Variants in GCNT4 observed in about 807,000 individuals in gnomAD.
The protein encoded by GCNT4 is beta-1,3-galactosyl-O-glycosyl-glycoprotein beta-1,6-N-acetylglucosaminyltransferase 4.
In GCNT4, 17 loss-of-function variants were observed where a neutral mutation model predicts 31.3. The observed-to-expected ratio is 0.54, with a 90% confidence interval of 0.37 to 0.81. GCNT4 has a LOEUF of 0.81. Among genes scored for constraint, GCNT4 ranks in the 40% least tolerant of loss-of-function variants. GCNT4 has a pLI of 0.00. For missense variants in GCNT4, 503 were observed against 525.5 expected (o/e 0.96, Z 0.42); for synonymous variants, 158 against 190.6 (o/e 0.83, Z 1.41).
intron 3 of GCNT4, among the ~76,000 whole-genome samples, chr5:75,032,602 T>A (rs1743089443): frequency 6.6e-6 from 1 of 152,218 alleles, no homozygotes. Context: ...CTTTGCTGCA[T>A]CAGCACCCAG....
downstream of GCNT4, among the ~76,000 whole-genome samples, chr5:75,022,378 A>T (rs960857376): frequency 2.0e-5 from 3 of 152,248 alleles, no homozygotes; most frequent in African/African-American, 7.2e-5. Flanking sequence ...TTTTAACTAT[A>T]GTGTCTTAGG....
intron 3 of GCNT4, among the ~76,000 whole-genome samples, chr5:75,032,874 T>G (rs919364494): frequency 1.5e-4 from 7 of 46,686 alleles, no homozygotes; most frequent in African/African-American, 1.2e-3. Context: ...CAAATAGGGG[T>G]GTGTGTGTGT....
At chr5:75,035,829 C>T (rs1743185851) in intron 3 of GCNT4, among the ~76,000 whole-genome samples, 1 of 152,208 alleles carries the variant, frequency 6.6e-6, no homozygotes. Context: ...TTAGGGACTT[C>T]ATGGCTTCTT....
Position 75,046,372 on chromosome 5 carries a change from A to G in GCNT4, c.-2+1525T>C, listed in dbSNP as rs564832508. On this transcript the variant is annotated intron_variant, in intron 3 of 3. Transcript: ENST00000652361. ...AATATTGCAAATATGCTGCAGTGAC[A>G]CAGAGAGCAGGAGAAGGAAGAAAAA... Among the ~76,000 whole-genome samples, 8 of 152,322 alleles carry G rather than the reference A, an allele frequency of 5.3e-5. 1 individual carries two copies. The South Asian group carries it at 1.5e-3, about 28-fold the overall frequency.
Position 75,029,020 on chromosome 5 carries a change from C to T in GCNT4, c.1018G>A (p.Ala340Thr), listed in dbSNP as rs765020771. 1.9e-6 allele frequency: 3 copies of T among 1,614,054 alleles called. No homozygotes were observed. The highest frequency in any genetic ancestry group is 2.5e-6 in the Non-Finnish European group (3 of 1,180,016). Residue 340 changes from alanine to threonine, a missense_variant, in exon 4 of 4, where the codon GCT becomes ACT. Coordinates refer to ENST00000652361, the MANE Select transcript of GCNT4 (RefSeq NM_001366737.1). ...ATTCCTGGAACCCGAATCAAGGTAGCCCAAAAGTGCTCATCAGGAGAGTAT... is the reference window on the plus strand; with the variant it reads ...ATTCCTGGAACCCGAATCAAGGTAGTCCAAAAGTGCTCATCAGGAGAGTAT... Reference protein sequence around the residue: ...DTYSPDEHFWATLIRVPGIPG... With the variant: ...DTYSPDEHFWTTLIRVPGIPG...
At chr5:75,030,127 C>G (rs1743030919) in intron 3 of GCNT4, 89 bp from the exon 4 acceptor site, 18 of 1,199,652 alleles carry the variant, frequency 1.5e-5, no homozygotes, top group Non-Finnish European at 1.9e-5. Context: ...CTACCACATA[C>G]TAGGCAAATG....
chr5:75,026,342 A>G lies in GCNT4; in HGVS notation c.*2334T>C, dbSNP rs1742943382. The G allele has an allele frequency of 6.6e-6, 1 of 152,138 alleles. No individual in the cohort carries two copies. Among genetic ancestry groups the G allele is most frequent in the South Asian group, 2.1e-4 (1 of 4,824 alleles). 9.4% of individuals were successfully genotyped at this position (152,138 alleles called of 1,614,324 possible). ...CGTGTATTTCATCCTAGATGGTGGG[A>G]AAAGTATTTGTAGCCCCATTCTCAA... On this transcript the variant is annotated 3_prime_UTR_variant, in exon 4 of 4. Coordinates refer to ENST00000652361, the MANE Select transcript of GCNT4 (RefSeq NM_001366737.1).
chr5:75,044,539 G>C (rs113365318), intron 3 of GCNT4, among the ~76,000 whole-genome samples: 52 of 151,944 alleles, frequency 3.4e-4, no homozygotes, highest in Non-Finnish European at 6.3e-4. Context: ...TAATGCACTG[G>C]GCACATTTTG....
downstream of GCNT4, chr5:75,025,302 GA>G (rs1439273005): frequency 6.6e-6 from 1 of 152,216 alleles, no homozygotes; most frequent in Non-Finnish European, 1.5e-5. Flanking sequence ...TCTTTGTGGG[GA>G]ATCAGCAAAA....
chr5:75,043,526 C>T (rs748320249), intron 3 of GCNT4, among the ~76,000 whole-genome samples: 2 of 152,108 alleles, frequency 1.3e-5, no homozygotes, highest in Non-Finnish European at 2.9e-5. Context: ...GTAGGAGGTA[C>T]GCCATTTTGT....
intron 3 of GCNT4, among the ~76,000 whole-genome samples, chr5:75,039,365 A>G (rs1743269684): frequency 6.6e-6 from 1 of 152,172 alleles, no homozygotes; most frequent in Non-Finnish European, 1.5e-5. Context: ...AAGTGTTGGG[A>G]TTACAGGCGT....
intron 3 of GCNT4, among the ~76,000 whole-genome samples, chr5:75,032,872 G>GGTGGGTGTGGGT (rs55942109): frequency 7.7e-6 from 1 of 130,646 alleles, no homozygotes; most frequent in Non-Finnish European, 1.7e-5. Flanking sequence ...CCCAAATAGG[G>GGTGGGTGTGGGT]GTGTGTGTGT....
At position 75,042,152 on chromosome 5, in the gene GCNT4, G is replaced by A. The variant is rs751194025; in HGVS notation, c.-2+5745C>T. 4.7e-4 allele frequency among the ~76,000 whole-genome samples: 71 copies of A among 152,120 alleles called. 1 individual carries two copies. Among genetic ancestry groups the A allele is most frequent in the Non-Finnish European group, 1.0e-4 (7 of 68,020 alleles). ...TCAAAGAGGTTTCATTCCTTCTTGG[G>A]ATCCCCGTCTTCTCTGCCCTTCTCA... On this transcript the variant is annotated intron_variant, in intron 3 of 3. Transcript: ENST00000652361.
intron 3 of GCNT4, among the ~76,000 whole-genome samples, chr5:75,032,874 T>TGGGTGGGTGG (rs1554062288): frequency 2.1e-5 from 1 of 46,686 alleles, no homozygotes; most frequent in East Asian, 3.8e-4. Context: ...CAAATAGGGG[T>TGGGTGGGTGG]GTGTGTGTGT....
chr5:75,048,770 A>T (rs1310984880), intron 2 of GCNT4, among the ~76,000 whole-genome samples: 1 of 152,190 alleles, frequency 6.6e-6, no homozygotes, highest in Non-Finnish European at 1.5e-5. Context: ...ATGTCTGGCT[A>T]CATCCCTCTG....
chr5:75,036,241 A>C (rs62369187), intron 3 of GCNT4, among the ~76,000 whole-genome samples: 24,228 of 152,148 alleles, frequency 0.16, 2,540 homozygotes, highest in African/African-American at 0.28. Context: ...TTAATAATGT[A>C]GAATCACTCA....
At chr5:75,033,476 G>A (rs1743121225) in intron 3 of GCNT4, among the ~76,000 whole-genome samples, 1 of 152,140 alleles carries the variant, frequency 6.6e-6, no homozygotes, top group Admixed American at 6.5e-5. Context: ...AGGAAAATGG[G>A]ACAGCCCAGG....
At chr5:75,036,659 G>A (rs1204231355) in intron 3 of GCNT4, among the ~76,000 whole-genome samples, 1 of 152,204 alleles carries the variant, frequency 6.6e-6, no homozygotes, top group Non-Finnish European at 1.5e-5. Context: ...TTTCCATGGA[G>A]AATGAGCCTG....
chr5:75,050,079 T>C (rs1388765590), intron 2 of GCNT4, among the ~76,000 whole-genome samples: 1 of 152,308 alleles, frequency 6.6e-6, no homozygotes, highest in East Asian at 1.9e-4. Context: ...TCAGGAAGCT[T>C]GGGCCTGGTC....
Sources: allele counts gnomAD v4.1 joint callset (sites outside exome capture counted in the v4.1 genomes callset), GRCh38; gene constraint gnomAD v4.1.1; transcripts MANE v1.5; gene names NCBI Gene and HGNC (gene_info 2026-07-23, HGNC 2026-07-21).